SYT1: variants seen among roughly 807,000 people sequenced by gnomAD.
SYT1 encodes synaptotagmin-1.
Under a neutral mutation model 44.8 loss-of-function variants are expected in SYT1, and 8 were observed. The observed-to-expected ratio is 0.18, with a 90% CI of 0.10 to 0.32. SYT1 has a LOEUF of 0.32. SYT1 is among the 10% of genes least tolerant of loss of function. The pLI, the probability that SYT1 is intolerant of heterozygous loss-of-function variation, is 1.00. For missense variants in SYT1, 286 were observed against 509.3 expected (o/e 0.56, Z 4.22); for synonymous variants, 154 against 188.8 (o/e 0.82, Z 1.51).
intron 10 of SYT1, among the ~76,000 whole-genome samples, chr12:79,446,012 T>TAC (rs1565961492): frequency 4.0e-5 from 5 of 125,140 alleles, no homozygotes; most frequent in Non-Finnish European, 6.8e-5. Context: ...TATATATATA[T>TAC]ATATATATAT....
intron 2 of SYT1, among the ~76,000 whole-genome samples, chr12:79,020,214 T>C (rs1403497392): frequency 6.6e-6 from 1 of 152,016 alleles, no homozygotes; most frequent in Non-Finnish European, 1.5e-5. Context: ...ATCATCAGCT[T>C]ATTTTCCAAC....
chr12:78,945,625 C>T (rs1244595420), intron 1 of SYT1, among the ~76,000 whole-genome samples: 2 of 152,002 alleles, frequency 1.3e-5, no homozygotes, highest in Non-Finnish European at 2.9e-5. Flanking sequence ...TGACACACTC[C>T]TTGAATCATC....
chr12:79,407,433 A>C (rs2136126321), intron 9 of SYT1, among the ~76,000 whole-genome samples: 1 of 152,204 alleles, frequency 6.6e-6, no homozygotes, highest in Non-Finnish European at 1.5e-5. Flanking sequence ...CCCCACCACA[A>C]CTGAGTGATC....
intron 2 of SYT1, among the ~76,000 whole-genome samples, chr12:79,025,547 G>T (rs1170144192): frequency 6.6e-6 from 1 of 151,426 alleles, no homozygotes; most frequent in South Asian, 2.1e-4. Context: ...CAGATTTCTG[G>T]CTATTATACG....
At chr12:79,447,188 C>T (rs1870783256) in intron 10 of SYT1, among the ~76,000 whole-genome samples, 3 of 152,030 alleles carry the variant, frequency 2.0e-5, no homozygotes, top group African/African-American at 7.2e-5. Flanking sequence ...CCCTCTTTCT[C>T]TGCTCCTTGA....
intron 9 of SYT1, among the ~76,000 whole-genome samples, chr12:79,364,560 A>T (rs1265538860): frequency 6.6e-6 from 1 of 152,198 alleles, no homozygotes; most frequent in Non-Finnish European, 1.5e-5. Flanking sequence ...TGATGACTGG[A>T]CAACTAGGAG....
At chr12:79,163,481 A>C (rs1871070041) in intron 3 of SYT1, among the ~76,000 whole-genome samples, 1 of 152,104 alleles carries the variant, frequency 6.6e-6, no homozygotes, top group Non-Finnish European at 1.5e-5. Context: ...TATGCTGTGC[A>C]CTTTATGTAA....
At chr12:79,240,666 T>TA (rs912827452) in intron 4 of SYT1, among the ~76,000 whole-genome samples, 10 of 152,192 alleles carry the variant, frequency 6.6e-5, no homozygotes, top group African/African-American at 2.2e-4. Context: ...TTGCTTAAAA[T>TA]AAAAAAATGA....
At chr12:79,384,904 T>C (rs573340038) in intron 9 of SYT1, among the ~76,000 whole-genome samples, 100 of 152,318 alleles carry the variant, frequency 6.6e-4, no homozygotes, top group Middle Eastern at 3.4e-3. Flanking sequence ...CTTTGAATTA[T>C]TGTTAGATTA....
intron 8 of SYT1, among the ~76,000 whole-genome samples, chr12:79,341,660 CTTTTTT>C (rs34759181): frequency 1.6e-5 from 1 of 63,042 alleles, no homozygotes; most frequent in Admixed American, 2.0e-4. Context: ...TACATTCATT[CTTTTTT>C]TTTTTTTTTT....
chr12:79,095,765 T>A (rs924572916), intron 3 of SYT1, among the ~76,000 whole-genome samples: 1 of 151,922 alleles, frequency 6.6e-6, no homozygotes, highest in Admixed American at 6.6e-5. Context: ...CTTGTTCTCC[T>A]GCCTGGGCTC....
chr12:79,378,847 G>T (rs181658624), intron 9 of SYT1, among the ~76,000 whole-genome samples: 1 of 152,128 alleles, frequency 6.6e-6, no homozygotes, highest in Non-Finnish European at 1.5e-5. Flanking sequence ...AATAAAAATG[G>T]CCATTAGATG....
chr12:79,152,029 A>G (rs1870304933), intron 3 of SYT1, among the ~76,000 whole-genome samples: 1 of 152,184 alleles, frequency 6.6e-6, no homozygotes, highest in Non-Finnish European at 1.5e-5. Context: ...GCACAAAGCT[A>G]GAAGAACAGT....
chr12:79,061,905 A>G (rs1193815910), intron 3 of SYT1, among the ~76,000 whole-genome samples: 2 of 152,004 alleles, frequency 1.3e-5, no homozygotes, highest in African/African-American at 2.4e-5. Flanking sequence ...CATTCTTGCT[A>G]CTTTTTTCTG....
At position 79,039,153 on chromosome 12, in the gene SYT1, C is replaced by T. The variant is rs7294667; in HGVS notation, c.-83-8144C>T. 4.2e-3 allele frequency among the ~76,000 whole-genome samples: 632 copies of T among 151,908 alleles called. 13 individuals carry two copies. The East Asian group carries it at 0.066, about 16-fold the overall frequency. On this transcript the variant is annotated intron_variant, in intron 2 of 10. Coordinates refer to ENST00000261205, the MANE Select transcript of SYT1 (RefSeq NM_005639.3). ...GAGCAGTTTGCTTTCTAGCCTCTGT[C>T]GAAGCAACAATAATCCCTAAATCTC... is the stretch of plus-strand genomic sequence containing the variant.
At chr12:79,283,002 A>G (rs1333089475) in intron 4 of SYT1, among the ~76,000 whole-genome samples, 1 of 152,174 alleles carries the variant, frequency 6.6e-6, no homozygotes, top group East Asian at 1.9e-4. Context: ...GTTGTTTCTT[A>G]GTAAACTTGC....
chr12:78,913,485 C>T (rs1234483181), intron 1 of SYT1, among the ~76,000 whole-genome samples: 1 of 151,564 alleles, frequency 6.6e-6, no homozygotes, highest in African/African-American at 2.4e-5. Context: ...ATTTAAAATC[C>T]ATACATGCTT....
intron 1 of SYT1, among the ~76,000 whole-genome samples, chr12:78,875,524 C>T (rs886404156): frequency 6.6e-6 from 1 of 151,568 alleles, no homozygotes; most frequent in South Asian, 2.1e-4. Flanking sequence ...AATGAAGCAA[C>T]CAGTACAGAA....
chr12:79,401,816 G>C (rs1885079350), intron 9 of SYT1, among the ~76,000 whole-genome samples: 1 of 151,692 alleles, frequency 6.6e-6, no homozygotes, highest in Non-Finnish European at 1.5e-5. Flanking sequence ...ACTACAGGCA[G>C]GAGCCACCAT....
Sources: gnomAD v4.1 joint callset for allele counts (sites outside exome capture counted in the v4.1 genomes callset) on GRCh38, gnomAD v4.1.1 for gene constraint, MANE v1.5 for transcripts, NCBI Gene and HGNC (gene_info 2026-07-23, HGNC 2026-07-21) for gene names.